WDR49: variants seen among roughly 807,000 people sequenced by gnomAD.
The protein encoded by WDR49 is WD repeat domain 49.
A neutral mutation model predicts 119.5 loss-of-function variants in WDR49; 107 were observed. The observed-to-expected ratio is 0.90, with a 90% CI of 0.77 to 1.05. The LOEUF is 1.05. Among genes scored for constraint, WDR49 ranks in the 50% least tolerant of loss-of-function variants. WDR49 has a pLI of 0.00. For missense variants in WDR49, 1,240 were observed against 1,220.5 expected, an observed-to-expected ratio of 1.02 and a Z score of -0.24; for synonymous variants, 425 against 418.8, an observed-to-expected ratio of 1.01 and a Z score of -0.18.
In WDR49 at chr3:167,630,992, AT is replaced by A. The variant is rs200514218; in HGVS notation, c.166-3701del. Among the ~76,000 whole-genome samples, 825 of 152,136 alleles carry A rather than the reference AT, an allele frequency of 5.4e-3. 10 individuals carry two copies. Among genetic ancestry groups the A allele is most frequent in the African/African-American group, 0.019 (769 of 41,510 alleles). ...CACTCCACCACCACACTTGGGGGCC[AT>A]TTTAAACAGCGAAATCCGCAACAAT... is the stretch of plus-strand genomic sequence containing the variant. On this transcript the variant is annotated intron_variant, in intron 2 of 18. Transcript: ENST00000682715.
chr3:167,523,797 G>A (rs1287953784), intron 15 of WDR49, among the ~76,000 whole-genome samples: 1 of 152,130 alleles, frequency 6.6e-6, no homozygotes, highest in Non-Finnish European at 1.5e-5. Flanking sequence ...GTCTATCATT[G>A]ATGGGTATTT....
chr3:167,478,832 T>G lies in WDR49; in HGVS notation c.*46A>C. The G allele has an allele frequency of 7.6e-7, 1 of 1,315,666 alleles. No individual in the cohort carries two copies. The highest frequency in any genetic ancestry group is 1.1e-6 in the Non-Finnish European group (1 of 951,678). The allele number at this position is 1,315,666 out of a possible 1,614,324, so 81.5% of individuals were successfully genotyped here. A position where few individuals can be genotyped will look rare whatever the true frequency, so the allele number is the denominator to read the frequency against. On this transcript the variant is annotated 3_prime_UTR_variant, in exon 19 of 19. Transcript: ENST00000682715. Reference sequence around the variant, plus strand: ...CAGAATTCTTGATGCTTTTTCTGCATTTTATATCTGTACCTTATGTAACAG... The same window carrying G: ...CAGAATTCTTGATGCTTTTTCTGCAGTTTATATCTGTACCTTATGTAACAG...
At chr3:167,541,071 A>G (rs1711790322) in intron 10 of WDR49, among the ~76,000 whole-genome samples, 1 of 152,126 alleles carries the variant, frequency 6.6e-6, no homozygotes, top group Non-Finnish European at 1.5e-5. Context: ...GGCCAAACCT[A>G]AGAATAATTA....
At chr3:167,566,705 A>T in intron 8 of WDR49, 2 of 428,184 alleles carry the variant, frequency 4.7e-6, no homozygotes, top group Non-Finnish European at 8.2e-6. Flanking sequence ...TACTGATAAC[A>T]TAAACAGTTG....
rs1458640253 is a variant in WDR49, at chr3:167,491,103, C to A, written c.3031+9050G>T. ...CAGGATCGTTGGGACTTCAAAACAGCTGACCTTTGCCACCACCTGGCAATA... is the reference window on the plus strand; with the variant it reads ...CAGGATCGTTGGGACTTCAAAACAGATGACCTTTGCCACCACCTGGCAATA... On this transcript the variant is annotated intron_variant, in intron 18 of 18. Transcript: ENST00000682715. Among the ~76,000 whole-genome samples, 3 of 152,236 alleles carry A rather than the reference C, an allele frequency of 2.0e-5. No homozygotes were observed. In the East Asian group the frequency reaches 5.8e-4, roughly 29 times the overall value.
chr3:167,569,890 C>A (rs4552347), intron 8 of WDR49, among the ~76,000 whole-genome samples: 57,194 of 151,864 alleles, frequency 0.38, 11,856 homozygotes, highest in African/African-American at 0.56. Flanking sequence ...TATATGCCAC[C>A]TATCTTTTTG....
At chr3:167,638,007 T>A (rs1309278805) in intron 2 of WDR49, among the ~76,000 whole-genome samples, 1 of 151,588 alleles carries the variant, frequency 6.6e-6, no homozygotes, top group African/African-American at 2.4e-5. Context: ...TTTGAATATG[T>A]ACACTTCAGT....
At chr3:167,612,755 C>T (rs1489998306) in intron 5 of WDR49, among the ~76,000 whole-genome samples, 1 of 151,766 alleles carries the variant, frequency 6.6e-6, no homozygotes, top group Non-Finnish European at 1.5e-5. Context: ...CCCACCAAGA[C>T]TGAATTGGGA....
chr3:167,488,735 T>C (rs1241502494), intron 18 of WDR49, among the ~76,000 whole-genome samples: 1 of 151,976 alleles, frequency 6.6e-6, no homozygotes, highest in Non-Finnish European at 1.5e-5. Flanking sequence ...CCTCTTTAAA[T>C]CCTCTGAAGG....
Position 167,500,193 on chromosome 3 carries a change from T to C in WDR49, c.2991A>G (p.Glu997=), listed in dbSNP as rs755905947. ...GGGCCTCCAGAATTTGGGGACGCTC[T>C]TCCTCTGGTTCTTTCCTAAAGTATT... is the stretch of plus-strand genomic sequence containing the variant. ...PEKYFRKEPE[E]ERPQILEAPS... is the part of the protein sequence containing the mutation. Residue 997 remains glutamate, a synonymous_variant, in exon 18 of 19, where the codon GAA becomes GAG. Coordinates refer to ENST00000682715, the MANE Select transcript of WDR49 (RefSeq NM_001366157.1). 1 of 1,585,544 alleles carries C rather than the reference T, an allele frequency of 6.3e-7. No homozygotes were observed. The highest frequency in any genetic ancestry group is 1.9e-5 in the Admixed American group (1 of 51,344).
intron 2 of WDR49, among the ~76,000 whole-genome samples, chr3:167,632,975 C>A (rs1717439717): frequency 6.6e-6 from 1 of 151,946 alleles, no homozygotes; most frequent in Non-Finnish European, 1.5e-5. Context: ...GTGTGGATGG[C>A]ACATTTATAC....
At chr3:167,595,778 C>A (rs1279229792) in intron 7 of WDR49, among the ~76,000 whole-genome samples, 4 of 151,684 alleles carry the variant, frequency 2.6e-5, no homozygotes, top group African/African-American at 7.3e-5. Flanking sequence ...AGAAGAAAAC[C>A]TAGGCATTAC....
intron 14 of WDR49, 147 bp from the exon 15 acceptor site, chr3:167,528,164 G>T: frequency 1.7e-6 from 1 of 583,414 alleles, no homozygotes. Flanking sequence ...GATAAAAGAG[G>T]CTAGAAAACG....
At chr3:167,496,597 C>A (rs918764269) in intron 18 of WDR49, among the ~76,000 whole-genome samples, 4 of 152,086 alleles carry the variant, frequency 2.6e-5, no homozygotes, top group Non-Finnish European at 5.9e-5. Flanking sequence ...CTACCATAGC[C>A]CTCGTTGTAG....
intron 3 of WDR49, among the ~76,000 whole-genome samples, chr3:167,626,633 A>C (rs1268707336): frequency 1.3e-5 from 2 of 152,064 alleles, no homozygotes; most frequent in Non-Finnish European, 2.9e-5. Flanking sequence ...GCTAATAATG[A>C]AGCATGGCCT....
chr3:167,534,208 GAAAA>G (rs998638440), intron 11 of WDR49, among the ~76,000 whole-genome samples: 1 of 151,852 alleles, frequency 6.6e-6, no homozygotes, highest in Non-Finnish European at 1.5e-5. Flanking sequence ...CAAAAAAAAA[GAAAA>G]AGAAAGCACA....
At chr3:167,516,330 A>G (rs895127435) in intron 16 of WDR49, among the ~76,000 whole-genome samples, 8 of 140,436 alleles carry the variant, frequency 5.7e-5, no homozygotes, top group Non-Finnish European at 1.1e-4. Flanking sequence ...ATTCCCACCT[A>G]TGAGTGAGAA....
intron 16 of WDR49, among the ~76,000 whole-genome samples, 181 bp downstream of exon 16, chr3:167,522,133 CA>C (rs1003373700): frequency 5.1e-4 from 78 of 152,108 alleles, no homozygotes; most frequent in African/African-American, 1.9e-3. Context: ...AAATAAGAAC[CA>C]AATATGGCCC....
chr3:167,593,909 T>C (rs1715270782), intron 7 of WDR49, among the ~76,000 whole-genome samples: 1 of 152,154 alleles, frequency 6.6e-6, no homozygotes, highest in Non-Finnish European at 1.5e-5. Flanking sequence ...TTTAAAAGTG[T>C]GCGGTGGTTC....
Sources: gnomAD v4.1 joint callset for allele counts (sites outside exome capture counted in the v4.1 genomes callset) on GRCh38, gnomAD v4.1.1 for gene constraint, MANE v1.5 for transcripts, NCBI Gene and HGNC (gene_info 2026-07-23, HGNC 2026-07-21) for gene names.